PRPH: variants seen among roughly 807,000 people sequenced by gnomAD.
PRPH encodes neurofilament 4 (57kD).
A neutral mutation model predicts 52.6 loss-of-function variants in PRPH; 48 were observed. The observed-to-expected ratio is 0.91, with a 90% CI of 0.72 to 1.16. The LOEUF is 1.16. Among genes scored for constraint, PRPH ranks in the 50% most tolerant of loss-of-function variants. The pLI, the probability that PRPH is intolerant of heterozygous loss-of-function variation, is 0.00. For synonymous variants in PRPH, 279 were observed against 283.8 expected (o/e 0.98, Z 0.17); for missense variants, 579 against 635.7 (o/e 0.91, Z 0.96).
chr12:49,295,627 C>T lies in PRPH; in HGVS notation c.427C>T (p.Leu143=). 5 of 1,544,972 alleles carry T rather than the reference C, an allele frequency of 3.2e-6. No homozygotes were observed. The highest frequency in any genetic ancestry group is 4.4e-6 in the Non-Finnish European group (5 of 1,145,574). Reference sequence around the variant, plus strand: ...CCAGGAGCCGGCGCGCGCCGACCAGCTGTGCCAGCAGGAGCTGCGCGAGCT... The same window carrying T: ...CCAGGAGCCGGCGCGCGCCGACCAGTTGTGCCAGCAGGAGCTGCGCGAGCT... ...RGQEPARADQ[L]CQQELRELRR... The change falls in exon 1 of 9, where the codon CTG becomes TTG. Residue 143 remains leucine, a synonymous_variant. Transcript: ENST00000257860.
In PRPH at chr12:49,295,676, G is replaced by A. The variant is rs1267185006; in HGVS notation, c.476G>A (p.Gly159Asp). Residue 159 changes from glycine to aspartate, a missense_variant, in exon 1 of 9, where the codon GGC (glycine) becomes GAC (aspartate). By Grantham distance (94) the Gly-to-Asp change is moderately conservative. Transcript: ENST00000257860. ...CTGCGGCGAGAGCTGGAGCTGTTGG[G>A]CCGCGAGCGTGACCGGGTGCAGGTG... ...RELRRELELL[G>D]RERDRVQVER... 1.2e-5 allele frequency: 19 copies of A among 1,534,798 alleles called. No individual in the cohort carries two copies. The highest frequency in any genetic ancestry group is 1.6e-5 in the Non-Finnish European group (18 of 1,144,242).
chr12:49,295,467 G>A lies in PRPH; in HGVS notation c.267G>A (p.Glu89=), dbSNP rs957913810. The A allele has an allele frequency of 1.2e-5, 19 of 1,609,034 alleles. No individual in the cohort carries two copies. Among genetic ancestry groups the A allele is most frequent in the Non-Finnish European group, 1.6e-5 (19 of 1,178,254 alleles). The part of the protein sequence containing the change: ...DFSMAEALNQ[E]FLATRSNEKQ... ...CCATGGCCGAGGCCCTCAACCAGGA[G>A]TTCCTGGCCACGCGCAGCAACGAGA... The change falls in exon 1 of 9, where the codon GAG becomes GAA. Residue 89 remains glutamate (E), a synonymous_variant. Coordinates refer to ENST00000257860, the MANE Select transcript of PRPH (RefSeq NM_006262.4).
Position 49,296,895 on chromosome 12 carries a change from C to G in PRPH, c.709C>G (p.Arg237Gly). 6.2e-7 allele frequency: 1 copy of G among 1,610,992 alleles called. No homozygotes were observed. Among genetic ancestry groups the G allele is most frequent in the Non-Finnish European group, 8.5e-7 (1 of 1,179,060 alleles). ...FLKKLHEEEL[R>G]DLQVSVESQQ... ...TGCCTGCTCCCGGCCGTAGGAGCTG[C>G]GAGACCTGCAGGTGAGTGTGGAGAG... is the stretch of plus-strand genomic sequence containing the variant. Residue 237 changes from arginine (R) to glycine (G), a missense_variant, in exon 4 of 9, where the codon CGA becomes GGA. Coordinates refer to ENST00000257860, the MANE Select transcript of PRPH (RefSeq NM_006262.4). The surrounding 1 kb of genome is among the most constrained non-coding windows in gnomAD (Gnocchi z 5.1).
At chr12:49,295,822 TC>T in intron 1 of PRPH, 77 bp downstream of exon 1, 1 of 1,435,690 alleles carries the variant, frequency 7.0e-7, no homozygotes. Context: ...TTGCCTCCCC[TC>T]GCTTCCCCTC....
At chr12:49,298,147 A>G in intron 8 of PRPH, 110 bp downstream of exon 8, 1 of 1,476,344 alleles carries the variant, frequency 6.8e-7, no homozygotes, top group Non-Finnish European at 9.4e-7. Context: ...GGGGAGAGAC[A>G]GAGAAGGAGA....
At position 49,297,660 on chromosome 12, in the gene PRPH, A is replaced by T. The variant is rs762332780; in HGVS notation, c.1218-17A>T. On this transcript the variant is annotated splice_polypyrimidine_tract_variant and intron_variant, in intron 6 of 8. Transcript: ENST00000257860. The surrounding 1 kb of genome is among the most constrained non-coding windows in gnomAD (Gnocchi z 4.4). ...CGGGGCCTGGGCAGGGGCGCTGACAACTTGCTTCGCCTCTAGGATCTCCGT... is the reference window on the plus strand; with the variant it reads ...CGGGGCCTGGGCAGGGGCGCTGACATCTTGCTTCGCCTCTAGGATCTCCGT... 6.2e-7 allele frequency: 1 copy of T among 1,613,454 alleles called. No individual in the cohort carries two copies. The highest frequency in any genetic ancestry group is 1.1e-5 in the South Asian group (1 of 91,082).
At chr12:49,298,218 T>C in intron 8 of PRPH, 70 bp from the exon 9 acceptor site, 1 of 1,585,420 alleles carries the variant, frequency 6.3e-7, no homozygotes, top group Non-Finnish European at 8.6e-7. Context: ...TGGGGCTCTA[T>C]GATCCAAAGG....
rs564003476 is a variant in PRPH, at chr12:49,295,391, G to A, written c.191G>A (p.Arg64Gln). 3.7e-6 allele frequency: 6 copies of A among 1,605,792 alleles called. No homozygotes were observed. The African/African-American group carries it at 4.0e-5, about 11-fold the overall frequency. Residue 64 changes from arginine to glutamine, a missense_variant, in exon 1 of 9, where the codon CGA (arginine) becomes CAA (glutamine). By Grantham distance (43) the Arg-to-Gln change is conservative (BLOSUM62 1). Coordinates refer to ENST00000257860, the MANE Select transcript of PRPH (RefSeq NM_006262.4). ...SVRLGSFRSP[R>Q]AGAGALLRLP... Reference sequence around the variant, plus strand: ...CGCCTGGGCAGCTTCCGTAGCCCCCGAGCGGGAGCGGGCGCCCTCCTGCGC... The same window carrying A: ...CGCCTGGGCAGCTTCCGTAGCCCCCAAGCGGGAGCGGGCGCCCTCCTGCGC...
intron 1 of PRPH, 185 bp downstream of exon 1, chr12:49,295,930 TTGCTC>T: frequency 6.9e-7 from 1 of 1,448,362 alleles, no homozygotes; most frequent in Non-Finnish European, 9.0e-7. Context: ...CGCTACCCCT[TTGCTC>T]TGAGTGTTTG....
chr12:49,297,137 C>T lies in PRPH; in HGVS notation c.871-11C>T, dbSNP rs1430185315. ...CAGCCGACTAAAGCCTGGGTTACCC[C>T]CACTTCTCAGTACGCGGACCTGTCC... On this transcript the variant is annotated splice_polypyrimidine_tract_variant and intron_variant, in intron 4 of 8. Coordinates refer to ENST00000257860, the MANE Select transcript of PRPH (RefSeq NM_006262.4). The surrounding 1 kb of genome is among the most constrained non-coding windows in gnomAD (Gnocchi z 4.4). 6.2e-6 allele frequency: 10 copies of T among 1,613,996 alleles called. No homozygotes were observed. Among genetic ancestry groups the T allele is most frequent in the Non-Finnish European group, 8.5e-6 (10 of 1,179,980 alleles).
Position 49,295,156 on chromosome 12 carries a change from C to T in PRPH, c.-45C>T, listed in dbSNP as rs958078356. The T allele has an allele frequency of 3.1e-6, 5 of 1,592,088 alleles. No homozygotes were observed. The African/African-American group carries it at 4.1e-5, about 13-fold the overall frequency. ...CAGCGGTCTGCGGCTCCTTCCCAGC[C>T]CCCGGCCTAGCTCTGCGAACGGTGA... On this transcript the variant is annotated 5_prime_UTR_variant, in exon 1 of 9. Coordinates refer to ENST00000257860, the MANE Select transcript of PRPH (RefSeq NM_006262.4).
rs1943160046 is a variant in PRPH at position 49,295,343 on chromosome 12, C to T, written c.143C>T (p.Ser48Phe). ...TTCTCCAGCAGCCGCCTGCTGGGCTCCGCGTCCCCGAGCTCCTCGGTGCGC... is the reference window on the plus strand; with the variant it reads ...TTCTCCAGCAGCCGCCTGCTGGGCTTCGCGTCCCCGAGCTCCTCGGTGCGC... ...SRFSSSRLLG[S>F]ASPSSSVRLG... The change falls in exon 1 of 9, where the codon TCC (serine) becomes TTC (phenylalanine). Residue 48 changes from serine (S) to phenylalanine (F), a missense_variant. Ser to Phe is a radical substitution (Grantham distance 155, BLOSUM62 -2). Transcript: ENST00000257860. 1 of 1,610,800 alleles carries T rather than the reference C, an allele frequency of 6.2e-7. No individual in the cohort carries two copies. The highest frequency in any genetic ancestry group is 1.7e-5 in the Admixed American group (1 of 59,898).
At position 49,298,316 on chromosome 12, in the gene PRPH, G is replaced by C; in HGVS notation, c.1376G>C (p.Arg459Pro). Reference protein sequence around the residue: ...EVVTESQKEQRSELDKSSAHS... With the variant: ...EVVTESQKEQPSELDKSSAHS... ...GTGACAGAGTCCCAGAAGGAGCAGC[G>C]CAGTGAGCTGGACAAGTCTTCTGCC... is the stretch of plus-strand genomic sequence containing the variant. Residue 459 changes from arginine (R) to proline (P), a missense_variant, in exon 9 of 9, where the codon CGC (arginine) becomes CCC (proline). Transcript: ENST00000257860. 1 of 1,614,168 alleles carries C rather than the reference G, an allele frequency of 6.2e-7. No homozygotes were observed. The highest frequency in any genetic ancestry group is 8.5e-7 in the Non-Finnish European group (1 of 1,180,026).
chr12:49,298,391 G>C lies in PRPH; in HGVS notation c.*38G>C. 6.2e-7 allele frequency: 1 copy of C among 1,607,312 alleles called. No individual in the cohort carries two copies. Among genetic ancestry groups the C allele is most frequent in the Non-Finnish European group, 8.5e-7 (1 of 1,174,132 alleles). Reference sequence around the variant, plus strand: ...GGAGCCTTGACTCTGCCCTAGGCCTGCTCAAAGCCCAAACCCTAAGACCAC... The same window carrying C: ...GGAGCCTTGACTCTGCCCTAGGCCTCCTCAAAGCCCAAACCCTAAGACCAC... On this transcript the variant is annotated 3_prime_UTR_variant, in exon 9 of 9. Transcript: ENST00000257860.
Position 49,295,653 on chromosome 12 carries a change from G to T in PRPH, c.453G>T (p.Leu151=), listed in dbSNP as rs113495396. The T allele has an allele frequency of 6.5e-7, 1 of 1,539,046 alleles. No homozygotes were observed. Among genetic ancestry groups the T allele is most frequent in the Non-Finnish European group, 8.7e-7 (1 of 1,144,552 alleles). ...DQLCQQELRE[L]RRELELLGRE... Reference sequence around the variant, plus strand: ...TGTGCCAGCAGGAGCTGCGCGAGCTGCGGCGAGAGCTGGAGCTGTTGGGCC... The same window carrying T: ...TGTGCCAGCAGGAGCTGCGCGAGCTTCGGCGAGAGCTGGAGCTGTTGGGCC... Residue 151 remains leucine (L), a synonymous_variant, in exon 1 of 9, where the codon CTG becomes CTT. Coordinates refer to ENST00000257860, the MANE Select transcript of PRPH (RefSeq NM_006262.4).
Position 49,295,654 on chromosome 12 carries a change from C to A in PRPH, c.454C>A (p.Arg152=). Residue 152 remains arginine (R), a synonymous_variant, in exon 1 of 9, where the codon CGG becomes AGG. Transcript: ENST00000257860. ...QLCQQELREL[R]RELELLGRER... ...GTGCCAGCAGGAGCTGCGCGAGCTG[C>A]GGCGAGAGCTGGAGCTGTTGGGCCG... 6.5e-7 allele frequency: 1 copy of A among 1,538,636 alleles called. No homozygotes were observed. The highest frequency in any genetic ancestry group is 8.7e-7 in the Non-Finnish European group (1 of 1,144,418).
chr12:49,295,897 G>A (rs760834483), intron 1 of PRPH, 152 bp downstream of exon 1: 32 of 1,440,832 alleles, frequency 2.2e-5, no homozygotes, highest in Non-Finnish European at 2.8e-5. Flanking sequence ...CAGCATCCCT[G>A]CCCACGGGCT....
chr12:49,296,007 C>A lies in PRPH; in HGVS notation c.546-171C>A. ...AGTAATGAGGAAACCCCCTTTTCAG[C>A]TCCCAGTCCGTTAGAGACAATGCGG... On this transcript the variant is annotated intron_variant, in intron 1 of 8. Coordinates refer to ENST00000257860, the MANE Select transcript of PRPH (RefSeq NM_006262.4). This position sits in a 1 kb window ranked among gnomAD's most constrained non-coding sequence, Gnocchi z 5.1. 7.4e-7 allele frequency: 1 copy of A among 1,349,148 alleles called. No individual in the cohort carries two copies. The highest frequency in any genetic ancestry group is 1.0e-6 in the Non-Finnish European group (1 of 993,904). The allele number at this position is 1,349,148 out of a possible 1,614,324, so 83.6% of individuals were successfully genotyped here.
At position 49,297,838 on chromosome 12, in the gene PRPH, C is replaced by T; in HGVS notation, c.1267+112C>T. 2 of 1,582,762 alleles carry T rather than the reference C, an allele frequency of 1.3e-6. No individual in the cohort carries two copies. Among genetic ancestry groups the T allele is most frequent in the Non-Finnish European group, 1.7e-6 (2 of 1,152,294 alleles). On this transcript the variant is annotated intron_variant, in intron 7 of 8. Transcript: ENST00000257860. This position sits in a 1 kb window ranked among gnomAD's most constrained non-coding sequence, Gnocchi z 4.4. ...TCCCCACGGAACTTCTGGGTCCTGGCCTGTACCCACCCCTACTCCTCAAAC... is the reference window on the plus strand; with the variant it reads ...TCCCCACGGAACTTCTGGGTCCTGGTCTGTACCCACCCCTACTCCTCAAAC...
Sources: gnomAD v4.1 joint callset for allele counts on GRCh38, gnomAD v4.1.1 for gene constraint, Gnocchi (gnomAD v3.1) non-coding constraint, MANE v1.5 for transcripts, NCBI Gene and HGNC (gene_info 2026-07-23, HGNC 2026-07-21) for gene names.